B3GALT1: variants seen among roughly 807,000 people sequenced by gnomAD.
The protein encoded by B3GALT1 is beta-1,3-galactosyltransferase 1, also known as UDP-Gal:betaGlcNAc beta 1,3-galactosyltransferase, polypeptide 1.
In B3GALT1, 10 loss-of-function variants were observed where a neutral mutation model predicts 23.2. The observed-to-expected ratio is 0.43, with a 90% CI of 0.27 to 0.73. The LOEUF is 0.73. Among genes scored for constraint, B3GALT1 ranks in the 30% least tolerant of loss-of-function variants. The pLI, the probability that B3GALT1 is intolerant of heterozygous loss-of-function variation, is 0.21. For missense variants in B3GALT1, 299 were observed against 405.4 expected, an observed-to-expected ratio of 0.74 and a Z score of 2.25; for synonymous variants, 156 against 141.5, an observed-to-expected ratio of 1.10 and a Z score of -0.73.
chr2:167,388,877 T>G (rs1697973638), intron 1 of B3GALT1, among the ~76,000 whole-genome samples: 1 of 152,174 alleles, frequency 6.6e-6, no homozygotes, highest in Non-Finnish European at 1.5e-5. Flanking sequence ...ATCTCTACAA[T>G]AAAACCATAT....
chr2:167,599,426 A>G (rs895390726), intron 2 of B3GALT1, among the ~76,000 whole-genome samples: 2 of 152,190 alleles, frequency 1.3e-5, no homozygotes, highest in African/African-American at 4.8e-5. Flanking sequence ...TTTGGTTTCC[A>G]GTGATATTAT....
chr2:167,565,482 G>A (rs1684141130), intron 2 of B3GALT1, among the ~76,000 whole-genome samples: 1 of 152,144 alleles, frequency 6.6e-6, no homozygotes, highest in Admixed American at 6.5e-5. Context: ...AAAAGCAGTG[G>A]CAACAAAAGC....
intron 2 of B3GALT1, among the ~76,000 whole-genome samples, chr2:167,537,264 G>A (rs1683444874): frequency 6.6e-6 from 1 of 151,946 alleles, no homozygotes; most frequent in Non-Finnish European, 1.5e-5. Flanking sequence ...CATGAAAACA[G>A]TATGGGGGAA....
rs181144911 is a variant in B3GALT1 at position 167,497,813 on chromosome 2, T to C, written c.-410+7536T>C. On this transcript the variant is annotated intron_variant, in intron 2 of 4. Coordinates refer to ENST00000392690, the MANE Select transcript of B3GALT1 (RefSeq NM_020981.4). ...CATTGATGACCTTAGAGAGAGGCCA[T>C]TGATGGAGAGCACAGGATTCCCAAG... 3.9e-5 allele frequency among the ~76,000 whole-genome samples: 6 copies of C among 152,102 alleles called. No individual in the cohort carries two copies. In the East Asian group the frequency reaches 9.7e-4, roughly 25 times the overall value.
intron 3 of B3GALT1, chr2:167,714,729 C>A (rs917344472): frequency 6.2e-7 from 1 of 1,613,716 alleles, no homozygotes; most frequent in Non-Finnish European, 8.5e-7. Flanking sequence ...TAAAAATGAA[C>A]AGTTCTCTCC....
chr2:167,529,096 ATTTAC>A (rs1683273452), intron 2 of B3GALT1, among the ~76,000 whole-genome samples: 1 of 151,814 alleles, frequency 6.6e-6, no homozygotes, highest in South Asian at 2.1e-4. Flanking sequence ...CTCATTTTTC[ATTTAC>A]TTTATGTGTC....
In B3GALT1 at chr2:167,591,338, C is replaced by T. The variant is rs182980885; in HGVS notation, c.-409-55571C>T. ...AAGTGAGGCAGAGAAGAACAGTAGG[C>T]GACGAGGTTACACGGATAGTGAGGT... On this transcript the variant is annotated intron_variant, in intron 2 of 4. Transcript: ENST00000392690. Among the ~76,000 whole-genome samples, 47 of 152,036 alleles carry T rather than the reference C, an allele frequency of 3.1e-4. No individual in the cohort carries two copies. The South Asian group carries it at 6.9e-3, about 22-fold the overall frequency.
intron 3 of B3GALT1, chr2:167,715,227 C>T (rs1301191044): frequency 6.2e-6 from 10 of 1,614,008 alleles, no homozygotes; most frequent in Non-Finnish European, 8.5e-6. Context: ...TCTTCAAGCA[C>T]AGCAGCCTGA....
At chr2:167,833,447 G>A (rs1173071838) in intron 4 of B3GALT1, among the ~76,000 whole-genome samples, 1 of 152,108 alleles carries the variant, frequency 6.6e-6, no homozygotes, top group Non-Finnish European at 1.5e-5. Flanking sequence ...GTATCTCAGG[G>A]AAATTCAATT....
intron 2 of B3GALT1, among the ~76,000 whole-genome samples, chr2:167,590,147 C>G (rs1156914387): frequency 2.0e-5 from 3 of 151,916 alleles, no homozygotes; most frequent in Non-Finnish European, 4.4e-5. Context: ...GAGATCGAGA[C>G]CATCCTGGCT....
At chr2:167,570,964 T>G (rs1237878161) in intron 2 of B3GALT1, among the ~76,000 whole-genome samples, 1 of 152,000 alleles carries the variant, frequency 6.6e-6, no homozygotes, top group African/African-American at 2.4e-5. Flanking sequence ...AAGTATAGAC[T>G]TTTCGATTCT....
intron 1 of B3GALT1, among the ~76,000 whole-genome samples, chr2:167,447,228 G>A (rs112869626): frequency 0.017 from 2,619 of 152,240 alleles, 52 homozygotes; most frequent in African/African-American, 0.047. Context: ...TGGAAGCTTC[G>A]TCTCAGAGGG....
chr2:167,517,396 T>C (rs1384935294), intron 2 of B3GALT1, among the ~76,000 whole-genome samples: 1 of 152,014 alleles, frequency 6.6e-6, no homozygotes, highest in Non-Finnish European at 1.5e-5. Flanking sequence ...CAAAGCAAAA[T>C]AGTTTTTAGT....
chr2:167,587,071 C>T (rs1203095811), intron 2 of B3GALT1, among the ~76,000 whole-genome samples: 2 of 152,168 alleles, frequency 1.3e-5, no homozygotes, highest in African/African-American at 4.8e-5. Context: ...TTTAACCCCT[C>T]CTCTCTAAGA....
chr2:167,575,515 C>A (rs1338772597), intron 2 of B3GALT1, among the ~76,000 whole-genome samples: 1 of 151,738 alleles, frequency 6.6e-6, no homozygotes, highest in Non-Finnish European at 1.5e-5. Flanking sequence ...AGGCTCCTTG[C>A]CAGGGTGAAA....
intron 3 of B3GALT1, among the ~76,000 whole-genome samples, chr2:167,788,918 C>G (rs978312452): frequency 1.3e-5 from 2 of 152,168 alleles, no homozygotes; most frequent in East Asian, 3.9e-4. Context: ...TCTACCCAGC[C>G]TAGTCCATTC....
At chr2:167,783,786 G>T (rs1046711822) in intron 3 of B3GALT1, among the ~76,000 whole-genome samples, 1 of 152,140 alleles carries the variant, frequency 6.6e-6, no homozygotes, top group Non-Finnish European at 1.5e-5. Flanking sequence ...CCTGCAGTCA[G>T]GTGAAATGGA....
chr2:167,705,349 A>G (rs1686952410), intron 3 of B3GALT1, among the ~76,000 whole-genome samples: 1 of 152,230 alleles, frequency 6.6e-6, no homozygotes, highest in Non-Finnish European at 1.5e-5. Flanking sequence ...CTTCTTTTGC[A>G]TTATGCAAAG....
At chr2:167,575,975 C>G (rs2105403478) in intron 2 of B3GALT1, among the ~76,000 whole-genome samples, 1 of 151,806 alleles carries the variant, frequency 6.6e-6, no homozygotes, top group South Asian at 2.1e-4. Context: ...ATTATTATCT[C>G]TCAATAATCT....
Sources: allele counts gnomAD v4.1 joint callset (sites outside exome capture counted in the v4.1 genomes callset), GRCh38; gene constraint gnomAD v4.1.1; transcripts MANE v1.5; gene names NCBI Gene and HGNC (gene_info 2026-07-23, HGNC 2026-07-21).